The following CELF2 variants were observed in gnomAD, a reference collection of about 807,000 sequenced individuals.
The protein encoded by CELF2 is CUG triplet repeat RNA-binding protein 2.
A neutral mutation model predicts 62.6 loss-of-function variants in CELF2; 8 were observed. The ratio of observed to expected loss-of-function variants is 0.13; its 90% CI spans 0.07 to 0.23. CELF2 has a LOEUF of 0.23. Ranked by LOEUF, CELF2 falls within the 10% of genes least tolerant of loss-of-function variation. The pLI, the probability that CELF2 is intolerant of heterozygous loss-of-function variation, is 1.00. For synonymous variants in CELF2, 258 were observed against 250.0 expected, an observed-to-expected ratio of 1.03 and a Z score of -0.30; for missense variants, 333 against 671.0, an observed-to-expected ratio of 0.50 and a Z score of 5.56.
At chr10:10,843,648 T>C (rs1024523635) in intron 1 of CELF2, among the ~76,000 whole-genome samples, 14 of 152,066 alleles carry the variant, frequency 9.2e-5, no homozygotes, top group Non-Finnish European at 1.3e-4. Flanking sequence ...CTACTGTGTT[T>C]GGATGAAGTA....
At chr10:11,288,588 G>A in intron 9 of CELF2, 36 bp downstream of exon 9, 1 of 1,609,580 alleles carries the variant, frequency 6.2e-7, no homozygotes, top group Non-Finnish European at 8.5e-7. Flanking sequence ...TGCAGGTGAT[G>A]CAGCAGGAGT....
At chr10:11,099,878 CAACAACAAAA>C (rs1289494922) in intron 1 of CELF2, among the ~76,000 whole-genome samples, 1 of 102,946 alleles carries the variant, frequency 9.7e-6, no homozygotes, top group Non-Finnish European at 1.8e-5. Flanking sequence ...AAAACAACAA[CAACAACAAAA>C]AAAAAAAAAA....
the CELF2 span, among the ~76,000 whole-genome samples, chr10:10,684,770 A>G: frequency 1.3e-5 from 2 of 152,114 alleles, no homozygotes; most frequent in South Asian, 4.1e-4. Flanking sequence ...AATTGCAACA[A>G]GAGCTTTGTC....
the CELF2 span, among the ~76,000 whole-genome samples, chr10:10,725,740 C>T: frequency 0.012 from 1,867 of 152,262 alleles, 41 homozygotes; most frequent in African/African-American, 0.042. Flanking sequence ...CTCTTGGCGA[C>T]GTGTTATAAT....
chr10:10,557,750 A>G, the CELF2 span, among the ~76,000 whole-genome samples: 2 of 146,352 alleles, frequency 1.4e-5, no homozygotes, highest in Non-Finnish European at 3.0e-5. Flanking sequence ...GGTCCTTCAC[A>G]TCCCTTGTAA....
chr10:10,708,909 C>G, the CELF2 span, among the ~76,000 whole-genome samples: 1 of 152,220 alleles, frequency 6.6e-6, no homozygotes, highest in Admixed American at 6.5e-5. Flanking sequence ...GCACGTACAT[C>G]CAAATAGGCT....
At chr10:10,491,091 A>T in the CELF2 span, among the ~76,000 whole-genome samples, 1 of 152,138 alleles carries the variant, frequency 6.6e-6, no homozygotes, top group African/African-American at 2.4e-5. Context: ...CAGCTAGAAA[A>T]CCACTGATTC....
the CELF2 span, among the ~76,000 whole-genome samples, chr10:10,463,780 A>G: frequency 3.9e-5 from 6 of 152,132 alleles, no homozygotes; most frequent in Non-Finnish European, 5.9e-5. Context: ...TTTCCTTTAA[A>G]AGCACGTGTG....
chr10:10,835,678 C>A (rs1358471238), intron 1 of CELF2, among the ~76,000 whole-genome samples: 1 of 152,142 alleles, frequency 6.6e-6, no homozygotes, highest in East Asian at 1.9e-4. Context: ...CCACCACGCC[C>A]AGCCCAGCAG....
the CELF2 span, among the ~76,000 whole-genome samples, chr10:10,707,827 A>G: frequency 6.6e-6 from 1 of 152,200 alleles, no homozygotes; most frequent in Non-Finnish European, 1.5e-5. Flanking sequence ...GTTTAAATCA[A>G]CTATTACTAA....
the CELF2 span, among the ~76,000 whole-genome samples, chr10:10,576,525 A>C: frequency 2.2e-4 from 33 of 152,204 alleles, no homozygotes; most frequent in African/African-American, 7.5e-4. Flanking sequence ...ATTTGCATTA[A>C]GAACCCGATG....
chr10:10,952,208 G>T (rs927943436), intron 2 of CELF2: 1 of 152,188 alleles, frequency 6.6e-6, no homozygotes, highest in African/African-American at 2.4e-5. Flanking sequence ...TTGGTTGTAC[G>T]ATCTAAGAAA....
chr10:11,187,582 C>G (rs1019404495), intron 2 of CELF2, among the ~76,000 whole-genome samples: 1 of 149,640 alleles, frequency 6.7e-6, no homozygotes, highest in Admixed American at 6.7e-5. Flanking sequence ...CGCCCCCCCC[C>G]CAACCTGTTC....
intron 3 of CELF2, among the ~76,000 whole-genome samples, chr10:11,239,436 C>T (rs2072921839): frequency 6.6e-6 from 1 of 152,244 alleles, no homozygotes; most frequent in Non-Finnish European, 1.5e-5. Flanking sequence ...GCCATTCTCT[C>T]CAATGTGTTC....
intron 1 of CELF2, among the ~76,000 whole-genome samples, chr10:10,890,834 G>T (rs1317955467): frequency 1.3e-5 from 2 of 152,178 alleles, no homozygotes; most frequent in African/African-American, 4.8e-5. Flanking sequence ...GACCAACATG[G>T]TAAAACCCCT....
chr10:11,286,711 GCTTT>G (rs1044558092), intron 8 of CELF2, among the ~76,000 whole-genome samples: 1 of 152,208 alleles, frequency 6.6e-6, no homozygotes, highest in African/African-American at 2.4e-5. Context: ...ACCAGAGAGT[GCTTT>G]CTTTTGATTA....
At chr10:10,835,154 T>A (rs34831777) in intron 1 of CELF2, among the ~76,000 whole-genome samples, 23,895 of 152,156 alleles carry the variant, frequency 0.16, 1,992 homozygotes, top group Non-Finnish European at 0.19. Context: ...TTTTTTTTAA[T>A]GTATTACTAT....
At chr10:11,115,572 G>A (rs1308587015) in intron 1 of CELF2, among the ~76,000 whole-genome samples, 1 of 152,148 alleles carries the variant, frequency 6.6e-6, no homozygotes, top group Non-Finnish European at 1.5e-5. Flanking sequence ...CTGTTGATTG[G>A]CGCCAGTGGC....
intron 2 of CELF2, among the ~76,000 whole-genome samples, chr10:10,955,967 C>T (rs773917936): frequency 1.6e-4 from 25 of 152,114 alleles, no homozygotes; most frequent in Non-Finnish European, 3.4e-4. Flanking sequence ...CCTGCTAGGT[C>T]GATCACTGCA....
Sources: gnomAD v4.1 joint callset for allele counts (sites outside exome capture counted in the v4.1 genomes callset) on GRCh38, gnomAD v4.1.1 for gene constraint, MANE v1.5 for transcripts, NCBI Gene and HGNC (gene_info 2026-07-23, HGNC 2026-07-21) for gene names.